Variants in CRISPLD2 observed in about 807,000 individuals in gnomAD.
CRISPLD2 encodes the protein cysteine-rich secretory protein LCCL domain-containing 2.
In CRISPLD2, 47 loss-of-function variants were observed where a neutral mutation model predicts 71.1. The ratio of observed to expected loss-of-function variants is 0.66; its 90% CI spans 0.52 to 0.84. The LOEUF (loss-of-function observed/expected upper bound fraction) is 0.84. CRISPLD2 is among the 40% of genes least tolerant of loss of function. The pLI is 0.00. For synonymous variants in CRISPLD2, 317 were observed against 250.1 expected, an observed-to-expected ratio of 1.27 and a Z score of -2.52; for missense variants, 830 against 651.1, an observed-to-expected ratio of 1.27 and a Z score of -2.99.
At chr16:84,858,163 C>G (rs1917291394) in intron 6 of CRISPLD2, among the ~76,000 whole-genome samples, 1 of 152,180 alleles carries the variant, frequency 6.6e-6, no homozygotes, top group Admixed American at 6.5e-5. Context: ...AACAGCATCC[C>G]TATCTGCCAC....
intron 13 of CRISPLD2, among the ~76,000 whole-genome samples, chr16:84,883,976 T>C (rs2071590166): frequency 6.6e-6 from 1 of 151,852 alleles, no homozygotes; most frequent in South Asian, 2.1e-4. Context: ...CCCGAGTAGC[T>C]GGGATTACAG....
At chr16:84,824,714 AC>A (rs1347412645) in intron 1 of CRISPLD2, among the ~76,000 whole-genome samples, 1 of 152,226 alleles carries the variant, frequency 6.6e-6, no homozygotes, top group Non-Finnish European at 1.5e-5. Context: ...TGTTCACGGC[AC>A]CAGTGATCAG....
chr16:84,882,171 C>T (rs1026558717), intron 13 of CRISPLD2, among the ~76,000 whole-genome samples: 1 of 151,866 alleles, frequency 6.6e-6, no homozygotes, highest in Non-Finnish European at 1.5e-5. Context: ...CAGCCAAATA[C>T]AAACAAACAC....
intron 2 of CRISPLD2, among the ~76,000 whole-genome samples, chr16:84,844,551 C>T (rs746146842): frequency 2.0e-5 from 3 of 151,718 alleles, no homozygotes; most frequent in Non-Finnish European, 2.9e-5. Flanking sequence ...TTAGTAGAGA[C>T]GGGGTTTCAC....
chr16:84,869,080 T>A (rs1414614177), intron 8 of CRISPLD2, among the ~76,000 whole-genome samples, 169 bp downstream of exon 8: 3 of 152,208 alleles, frequency 2.0e-5, no homozygotes, highest in Admixed American at 1.3e-4. Flanking sequence ...TGGGCATGTG[T>A]TCGCCTCGGC....
intron 14 of CRISPLD2, among the ~76,000 whole-genome samples, chr16:84,891,775 G>T (rs2143353820): frequency 6.6e-6 from 1 of 152,150 alleles, no homozygotes; most frequent in South Asian, 2.1e-4. Context: ...GGGAGGGCAG[G>T]GATGGAGAGA....
chr16:84,843,660 A>AATG (rs1220643786), intron 2 of CRISPLD2, among the ~76,000 whole-genome samples: 1 of 150,992 alleles, frequency 6.6e-6, no homozygotes, highest in Non-Finnish European at 1.5e-5. Context: ...AGTAAATGTG[A>AATG]ATGATGCTGT....
At chr16:84,849,213 C>T (rs1437514671) in intron 3 of CRISPLD2, 172 bp from the exon 4 acceptor site, 3 of 625,734 alleles carry the variant, frequency 4.8e-6, no homozygotes, top group African/African-American at 1.8e-5. Flanking sequence ...GAATTGGGGG[C>T]TATTCCGCCT....
intron 14 of CRISPLD2, among the ~76,000 whole-genome samples, chr16:84,896,459 C>G (rs2071707622): frequency 6.6e-6 from 1 of 152,156 alleles, no homozygotes; most frequent in African/African-American, 2.4e-5. Context: ...CAACTTATGA[C>G]TTTTCAACTT....
At chr16:84,856,182 G>A (rs1276041903) in intron 6 of CRISPLD2, among the ~76,000 whole-genome samples, 2 of 152,190 alleles carry the variant, frequency 1.3e-5, no homozygotes, top group African/African-American at 4.8e-5. Context: ...ACCATTTGTA[G>A]TCCTGCCTGG....
intron 6 of CRISPLD2, among the ~76,000 whole-genome samples, chr16:84,863,797 A>C (rs2009758): frequency 0.65 from 98,498 of 151,648 alleles, 32,515 homozygotes; most frequent in East Asian, 0.84. Flanking sequence ...GGAGAAACCC[A>C]GTCACTACTA....
chr16:84,877,529 G>A lies in CRISPLD2; in HGVS notation c.1229+19G>A, dbSNP rs760452639. On this transcript the variant is annotated intron_variant, in intron 12 of 14. Coordinates refer to ENST00000262424, the MANE Select transcript of CRISPLD2 (RefSeq NM_031476.4). ...GCCCAAGGTAAGGCGGGCCTGATCT[G>A]TCATCTTTTCTATGGAAGATGTTAG... 5 of 1,612,136 alleles carry A rather than the reference G, an allele frequency of 3.1e-6. No individual in the cohort carries two copies. The highest frequency in any genetic ancestry group is 4.2e-6 in the Non-Finnish European group (5 of 1,178,514).
chr16:84,832,812 C>A (rs1916520358), intron 1 of CRISPLD2, among the ~76,000 whole-genome samples: 1 of 152,226 alleles, frequency 6.6e-6, no homozygotes, highest in Non-Finnish European at 1.5e-5. Flanking sequence ...CAGCCCAGGC[C>A]AATGACGCAA....
chr16:84,836,595 G>T (rs1307081471), intron 1 of CRISPLD2, among the ~76,000 whole-genome samples: 3 of 152,148 alleles, frequency 2.0e-5, no homozygotes, highest in South Asian at 4.1e-4. Context: ...GTTTCCAGGG[G>T]TCGGGAATGG....
At position 84,837,562 on chromosome 16, in the gene CRISPLD2, G is replaced by A. The variant is rs569487630; in HGVS notation, c.-74-860G>A. On this transcript the variant is annotated intron_variant, in intron 1 of 14. Transcript: ENST00000262424. ...CTCCCAAGTAGCTGGGACTACAGGC[G>A]CGTGACACCACGCCCGGGTAATTTT... Among the ~76,000 whole-genome samples the A allele has an allele frequency of 5.1e-3, 671 of 132,656 alleles. 6 individuals carry two copies. The highest frequency in any genetic ancestry group is 0.017 in the African/African-American group (638 of 37,592). 87.0% of individuals were successfully genotyped at this position (132,656 alleles called of 152,430 possible). A position where few individuals can be genotyped will look rare whatever the true frequency, so the allele number is the denominator to read the frequency against.
Position 84,892,009 on chromosome 16 carries a change from T to C in CRISPLD2, c.1439+2646T>C, listed in dbSNP as rs545560730. On this transcript the variant is annotated intron_variant, in intron 14 of 14. Coordinates refer to ENST00000262424, the MANE Select transcript of CRISPLD2 (RefSeq NM_031476.4). ...ATTTCCAGAGTTAAGACTTTGCTTT[T>C]CTTGCTCCTCAGACTCTCTGCTCCT... Among the ~76,000 whole-genome samples the C allele has an allele frequency of 2.3e-3, 352 of 152,372 alleles. 2 individuals are homozygous for C. The highest frequency in any genetic ancestry group is 8.2e-3 in the African/African-American group (343 of 41,594).
intron 3 of CRISPLD2, among the ~76,000 whole-genome samples, chr16:84,848,936 A>C (rs894738435): frequency 6.7e-6 from 1 of 149,402 alleles, no homozygotes; most frequent in Non-Finnish European, 1.5e-5. Flanking sequence ...CAGTGAGCCG[A>C]GATCCCGCCA....
At chr16:84,821,027 G>T (rs1008501558) in intron 1 of CRISPLD2, among the ~76,000 whole-genome samples, 1 of 152,186 alleles carries the variant, frequency 6.6e-6, no homozygotes, top group Non-Finnish European at 1.5e-5. Context: ...ACTTGAATTG[G>T]GCGTCTCTCA....
At chr16:84,889,451 C>T in intron 14 of CRISPLD2, 88 bp downstream of exon 14, 1 of 1,384,166 alleles carries the variant, frequency 7.2e-7, no homozygotes, top group Non-Finnish European at 9.6e-7. Context: ...GAGTCATTAC[C>T]CTTTAAAATA....
Sources: gnomAD v4.1 joint callset for allele counts (sites outside exome capture counted in the v4.1 genomes callset) on GRCh38, gnomAD v4.1.1 for gene constraint, MANE v1.5 for transcripts, NCBI Gene and HGNC (gene_info 2026-07-23, HGNC 2026-07-21) for gene names.